Variants in ALDH1A2 observed in about 807,000 individuals in gnomAD.
ALDH1A2 encodes aldehyde dehydrogenase 1 family member A2, also known as retinal dehydrogenase 2.
Under a neutral mutation model 60.3 loss-of-function variants are expected in ALDH1A2, and 27 were observed. The ratio of observed to expected loss-of-function variants is 0.45; its 90% CI spans 0.33 to 0.62. The LOEUF is 0.62. ALDH1A2 is among the 20% of genes least tolerant of loss of function. The pLI, the probability that ALDH1A2 is intolerant of heterozygous loss-of-function variation, is 0.02. For missense variants in ALDH1A2, 581 were observed against 643.8 expected, an observed-to-expected ratio of 0.90 and a Z score of 1.06; for synonymous variants, 289 against 232.4, an observed-to-expected ratio of 1.24 and a Z score of -2.21.
intron 1 of ALDH1A2, among the ~76,000 whole-genome samples, chr15:58,043,834 G>A (rs1374117146): frequency 6.6e-6 from 1 of 151,912 alleles, no homozygotes; most frequent in Non-Finnish European, 1.5e-5. Flanking sequence ...TCTAATGAAT[G>A]AGAATCTTTT....
intron 1 of ALDH1A2, among the ~76,000 whole-genome samples, chr15:58,063,827 G>A (rs1357528854): frequency 6.6e-6 from 1 of 152,088 alleles, no homozygotes; most frequent in African/African-American, 2.4e-5. Flanking sequence ...GTGGGAAAGT[G>A]GATACTGGAT....
intron 1 of ALDH1A2, among the ~76,000 whole-genome samples, chr15:58,034,121 A>G (rs1453612355): frequency 6.6e-6 from 1 of 151,668 alleles, no homozygotes; most frequent in African/African-American, 2.4e-5. Context: ...TCGATAGTGT[A>G]TCTCTCCATT....
At chr15:57,986,643 G>T (rs1411052224) in intron 7 of ALDH1A2, among the ~76,000 whole-genome samples, 2 of 145,990 alleles carry the variant, frequency 1.4e-5, no homozygotes, top group Non-Finnish European at 3.0e-5. Flanking sequence ...CGACAGAGAA[G>T]TTAAAAGTAA....
chr15:57,983,198 C>T (rs556725018), intron 7 of ALDH1A2, among the ~76,000 whole-genome samples: 59 of 152,326 alleles, frequency 3.9e-4, no homozygotes, highest in African/African-American at 1.3e-3. Flanking sequence ...CCCATCCTAC[C>T]TTCCAGCAAA....
chr15:58,029,829 AT>A (rs2140538440), intron 1 of ALDH1A2, among the ~76,000 whole-genome samples: 1 of 152,236 alleles, frequency 6.6e-6, no homozygotes, highest in South Asian at 2.1e-4. Context: ...CCTCCCAAGA[AT>A]AAACCAGGAA....
intron 1 of ALDH1A2, among the ~76,000 whole-genome samples, chr15:58,039,654 G>C (rs1264123582): frequency 1.3e-5 from 2 of 151,756 alleles, no homozygotes; most frequent in Non-Finnish European, 2.9e-5. Flanking sequence ...CTTTATAATA[G>C]AGACATGTCA....
Position 57,992,743 on chromosome 15 carries a change from T to C in ALDH1A2, c.760A>G (p.Ile254Val), listed in dbSNP as rs750642260. 11 of 1,614,156 alleles carry C rather than the reference T, an allele frequency of 6.8e-6. No homozygotes were observed. Among genetic ancestry groups the C allele is most frequent in the Admixed American group, 1.7e-5 (1 of 60,026 alleles). The change falls in exon 7 of 13, where the codon ATT becomes GTT. Residue 254 changes from isoleucine to valine, a missense_variant. Coordinates refer to ENST00000249750, the MANE Select transcript of ALDH1A2 (RefSeq NM_003888.4). ...GTGAATGCAATCTTGTCTATGCCAA[T>C]GTGAGAAGCTATTGCTGCCCCAGCC... ...PTAGAAIASH[I>V]GIDKIAFTGS...
At chr15:57,977,094 ATGTT>A (rs1424343603) in intron 7 of ALDH1A2, among the ~76,000 whole-genome samples, 3 of 118,988 alleles carry the variant, frequency 2.5e-5, no homozygotes, top group African/African-American at 8.5e-5. Flanking sequence ...CCACTTTTCG[ATGTT>A]TTTTTTTTTT....
At chr15:57,998,797 A>C (rs1566943526) in intron 4 of ALDH1A2, among the ~76,000 whole-genome samples, 1 of 152,126 alleles carries the variant, frequency 6.6e-6, no homozygotes, top group Non-Finnish European at 1.5e-5. Flanking sequence ...CTGACTTCAA[A>C]CTATACTACA....
chr15:58,059,804 T>C (rs552262159), intron 1 of ALDH1A2, among the ~76,000 whole-genome samples: 2 of 152,214 alleles, frequency 1.3e-5, no homozygotes, highest in Non-Finnish European at 2.9e-5. Context: ...AGTGTAAATA[T>C]ATAAGGAGGA....
At chr15:58,021,977 G>A (rs545815919) in intron 1 of ALDH1A2, among the ~76,000 whole-genome samples, 4 of 152,330 alleles carry the variant, frequency 2.6e-5, no homozygotes, top group African/African-American at 7.2e-5. Flanking sequence ...CACTAAAACT[G>A]GGGCATGAAA....
intron 7 of ALDH1A2, among the ~76,000 whole-genome samples, chr15:57,969,594 G>A (rs542692388): frequency 1.1e-4 from 17 of 152,254 alleles, no homozygotes; most frequent in East Asian, 9.7e-4. Context: ...GGGTGCACAC[G>A]TTTTCCAAGT....
At chr15:57,993,691 G>C (rs1418803858) in intron 5 of ALDH1A2, among the ~76,000 whole-genome samples, 2 of 152,200 alleles carry the variant, frequency 1.3e-5, no homozygotes, top group African/African-American at 4.8e-5. Flanking sequence ...ATGAGTAGAT[G>C]AGGTTGGGGT....
chr15:58,037,704 A>G (rs558766607), intron 1 of ALDH1A2, among the ~76,000 whole-genome samples: 1 of 151,820 alleles, frequency 6.6e-6, no homozygotes, highest in South Asian at 2.1e-4. Context: ...AATTCAGAAG[A>G]AATTGTACTG....
chr15:58,060,154 C>A (rs1265097054), intron 1 of ALDH1A2, among the ~76,000 whole-genome samples: 2 of 152,194 alleles, frequency 1.3e-5, no homozygotes, highest in Non-Finnish European at 2.9e-5. Flanking sequence ...CTCCTGGCTT[C>A]AGGTGATCCA....
intron 1 of ALDH1A2, among the ~76,000 whole-genome samples, chr15:58,018,515 G>GA (rs1326199436): frequency 6.6e-6 from 1 of 152,046 alleles, no homozygotes; most frequent in Non-Finnish European, 1.5e-5. Flanking sequence ...AATATGCAAT[G>GA]AAAAATGTAT....
chr15:57,959,922 C>T (rs995090790), intron 12 of ALDH1A2, among the ~76,000 whole-genome samples: 1 of 152,078 alleles, frequency 6.6e-6, no homozygotes, highest in African/African-American at 2.4e-5. Flanking sequence ...TTATTTTTCC[C>T]GCAATACCTT....
intron 1 of ALDH1A2, among the ~76,000 whole-genome samples, chr15:58,027,320 C>G (rs1896107159): frequency 6.6e-6 from 1 of 152,170 alleles, no homozygotes; most frequent in African/African-American, 2.4e-5. Flanking sequence ...AGAAGGAAAA[C>G]TAACAAACAG....
chr15:58,058,565 T>C (rs1314662140), intron 1 of ALDH1A2, among the ~76,000 whole-genome samples: 1 of 151,160 alleles, frequency 6.6e-6, no homozygotes, highest in Admixed American at 6.6e-5. Flanking sequence ...TATATTAAAA[T>C]ATAACTTTTT....
Sources: gnomAD v4.1 joint callset for allele counts (sites outside exome capture counted in the v4.1 genomes callset) on GRCh38, gnomAD v4.1.1 for gene constraint, MANE v1.5 for transcripts, NCBI Gene and HGNC (gene_info 2026-07-23, HGNC 2026-07-21) for gene names.